The following VPS37C variants were observed in gnomAD, a reference collection of about 807,000 sequenced individuals.
VPS37C encodes vacuolar protein sorting-associated protein 37C.
A neutral mutation model predicts 16.1 loss-of-function variants in VPS37C; 9 were observed. The observed-to-expected ratio is 0.56, with a 90% CI of 0.34 to 0.97. VPS37C has a LOEUF of 0.97. VPS37C is among the 50% of genes least tolerant of loss of function. VPS37C has a pLI of 0.02. For synonymous variants in VPS37C, 207 were observed against 206.4 expected (o/e 1.00, Z -0.02); for missense variants, 479 against 472.7 (o/e 1.01, Z -0.12).
At chr11:61,133,472 G>C (rs772975749) in intron 3 of VPS37C, 135 bp from the exon 4 acceptor site, 80 of 813,618 alleles carry the variant, frequency 9.8e-5, no homozygotes, top group Non-Finnish European at 1.4e-4. Flanking sequence ...TTCTGGGTGG[G>C]CTTGATGAGC....
intron 1 of VPS37C, among the ~76,000 whole-genome samples, chr11:61,159,554 G>A (rs2134662385): frequency 6.6e-6 from 1 of 152,080 alleles, no homozygotes; most frequent in South Asian, 2.1e-4. Context: ...TAGCACTTTG[G>A]GAGGCCAAAG....
rs568089643 is a variant in VPS37C at position 61,133,987 on chromosome 11, C to T, written c.265+49G>A. On this transcript the variant is annotated intron_variant, in intron 3 of 4. Transcript: ENST00000301765. ...ACAGGGCTGGGAACACGGTGGGCCT[C>T]CGTCCAACCCTGAATGGGGACCCTG... 6 of 1,567,586 alleles carry T rather than the reference C, an allele frequency of 3.8e-6. No homozygotes were observed. The South Asian group carries it at 6.9e-5, about 18-fold the overall frequency.
At chr11:61,139,601 T>C (rs913273122) in intron 1 of VPS37C, among the ~76,000 whole-genome samples, 35 of 152,070 alleles carry the variant, frequency 2.3e-4, no homozygotes, top group Non-Finnish European at 1.0e-4. Flanking sequence ...GTGTGGTAGA[T>C]GGGTCACAGC....
chr11:61,151,799 C>T (rs628831), intron 1 of VPS37C, among the ~76,000 whole-genome samples: 1 of 151,906 alleles, frequency 6.6e-6, no homozygotes, highest in African/African-American at 2.4e-5. Flanking sequence ...CAGCATTCAG[C>T]GTCAATCAAA....
At chr11:61,151,132 G>C (rs1208992077) in intron 1 of VPS37C, among the ~76,000 whole-genome samples, 8 of 152,206 alleles carry the variant, frequency 5.3e-5, no homozygotes, top group Admixed American at 5.2e-4. Context: ...GCGCCTCACT[G>C]TGCTCGGCTG....
chr11:61,136,467 C>A (rs1861377062), intron 2 of VPS37C, among the ~76,000 whole-genome samples: 1 of 152,134 alleles, frequency 6.6e-6, no homozygotes, highest in African/African-American at 2.4e-5. Context: ...AGCTACCGCG[C>A]CCAGCCTGAT....
At chr11:61,135,317 C>G in intron 2 of VPS37C, among the ~76,000 whole-genome samples, 1 of 152,232 alleles carries the variant, frequency 6.6e-6, no homozygotes, top group South Asian at 2.1e-4. Flanking sequence ...CCCATTGCCT[C>G]TTCTTTGTGC....
At chr11:61,141,994 G>A (rs1590788336) in intron 1 of VPS37C, among the ~76,000 whole-genome samples, 2 of 152,232 alleles carry the variant, frequency 1.3e-5, no homozygotes, top group African/African-American at 2.4e-5. Context: ...GGGAGGCCCC[G>A]AGAAGAGCCG....
At chr11:61,153,284 G>C (rs1267266126) in intron 1 of VPS37C, among the ~76,000 whole-genome samples, 1 of 152,208 alleles carries the variant, frequency 6.6e-6, no homozygotes, top group Non-Finnish European at 1.5e-5. Flanking sequence ...GTGTTTGACA[G>C]TTTATCCTAC....
rs975580677 is a variant in VPS37C, at chr11:61,131,165, A to G, written c.*655T>C. 5.2e-6 allele frequency: 1 copy of G among 190,684 alleles called. No individual in the cohort carries two copies. The highest frequency in any genetic ancestry group is 2.4e-5 in the African/African-American group (1 of 41,526). 11.8% of individuals were successfully genotyped at this position (190,684 alleles called of 1,614,324 possible). A position where few individuals can be genotyped will look rare whatever the true frequency, so the allele number is the denominator to read the frequency against. ...GCAAGGTCTGGGGACAACCTTGACA[A>G]CCCCCAGCCTTCTTGCTGGGCTGGC... On this transcript the variant is annotated 3_prime_UTR_variant, in exon 5 of 5. Coordinates refer to ENST00000301765, the MANE Select transcript of VPS37C (RefSeq NM_017966.5).
intron 1 of VPS37C, among the ~76,000 whole-genome samples, chr11:61,159,565 C>T (rs1182431699): frequency 1.3e-5 from 2 of 151,918 alleles, no homozygotes; most frequent in East Asian, 1.9e-4. Context: ...GAGGCCAAAG[C>T]GGGTGGATCA....
At chr11:61,154,205 T>G (rs1344437130) in intron 1 of VPS37C, among the ~76,000 whole-genome samples, 1 of 151,862 alleles carries the variant, frequency 6.6e-6, no homozygotes, top group Non-Finnish European at 1.5e-5. Context: ...TTACCAGACA[T>G]ACAAAGAATC....
At position 61,134,265 on chromosome 11, in the gene VPS37C, C is replaced by T. The variant is rs186836707; in HGVS notation, c.94-58G>A. The T allele has an allele frequency of 4.2e-3, 6,563 of 1,559,364 alleles. 19 individuals are homozygous for T. Among genetic ancestry groups the T allele is most frequent in the Non-Finnish European group, 5.1e-3 (5,815 of 1,148,926 alleles). On this transcript the variant is annotated intron_variant, in intron 2 of 4. Coordinates refer to ENST00000301765, the MANE Select transcript of VPS37C (RefSeq NM_017966.5). ...ACGTCCATCACCCTTAACCTCCTGG[C>T]AGCCTGGGTCAGGGGCTTCGGGGAC...
At chr11:61,161,196 C>T (rs576499833) in intron 1 of VPS37C, 195 bp downstream of exon 1, 1 of 151,700 alleles carries the variant, frequency 6.6e-6, no homozygotes, top group Non-Finnish European at 1.5e-5. Context: ...CTCCCTCCCT[C>T]CCTCCCACCG....
chr11:61,132,601 C>A, intron 4 of VPS37C, 62 bp from the exon 5 acceptor site: 1 of 1,517,110 alleles, frequency 6.6e-7, no homozygotes. Context: ...TTGATTTTCC[C>A]CAGGGTCTGA....
At chr11:61,134,297 C>T in intron 2 of VPS37C, 90 bp from the exon 3 acceptor site, 1 of 1,442,764 alleles carries the variant, frequency 6.9e-7, no homozygotes, top group Non-Finnish European at 9.4e-7. Context: ...GGACACATTG[C>T]TCACCTTGGG....
Position 61,130,615 on chromosome 11 carries a change from A to C in VPS37C, c.*1205T>G, listed in dbSNP as rs1861236433. On this transcript the variant is annotated 3_prime_UTR_variant, in exon 5 of 5. Transcript: ENST00000301765. ...ACCTGGTTTACCTCTGGAACAACCAAGTTAACACTCATCACACCCCCTTTG... is the reference window on the plus strand; with the variant it reads ...ACCTGGTTTACCTCTGGAACAACCACGTTAACACTCATCACACCCCCTTTG... 6.9e-6 allele frequency: 2 copies of C among 288,724 alleles called. No individual in the cohort carries two copies. Among genetic ancestry groups the C allele is most frequent in the Admixed American group, 6.0e-5 (1 of 16,588 alleles). The allele number at this position is 288,724 out of a possible 1,614,324, so 17.9% of individuals were successfully genotyped here.
chr11:61,132,962 G>A, intron 4 of VPS37C: 1 of 549,828 alleles, frequency 1.8e-6, no homozygotes, highest in South Asian at 2.0e-5. Context: ...CAGGGAGAGT[G>A]GAGTAGGGAG....
At position 61,131,835 on chromosome 11, in the gene VPS37C, G is replaced by T; in HGVS notation, c.1053C>A (p.Ala351=). 7.9e-7 allele frequency: 1 copy of T among 1,260,300 alleles called. No individual in the cohort carries two copies. The highest frequency in any genetic ancestry group is 3.1e-5 in the East Asian group (1 of 32,104). The allele number at this position is 1,260,300 out of a possible 1,614,324, so 78.1% of individuals were successfully genotyped here. A position where few individuals can be genotyped will look rare whatever the true frequency, so the allele number is the denominator to read the frequency against. ...PYGFPPPPGP[A]WPGY ...AGGAGTGTGTCTAATACCCAGGCCA[G>T]GCAGGCCCCGGCGGTGGTGGGAACC... The change falls in exon 5 of 5, where the codon GCC becomes GCA. Residue 351 remains alanine, a synonymous_variant. Coordinates refer to ENST00000301765, the MANE Select transcript of VPS37C (RefSeq NM_017966.5).
Sources: gnomAD v4.1 joint callset for allele counts (sites outside exome capture counted in the v4.1 genomes callset) on GRCh38, gnomAD v4.1.1 for gene constraint, MANE v1.5 for transcripts, NCBI Gene and HGNC (gene_info 2026-07-23, HGNC 2026-07-21) for gene names.